SLC11A2: variants seen among roughly 807,000 people sequenced by gnomAD.
The protein encoded by SLC11A2 is natural resistance-associated macrophage protein 2.
Under a neutral mutation model 68.0 loss-of-function variants are expected in SLC11A2, and 38 were observed. The ratio of observed to expected loss-of-function variants is 0.56; its 90% confidence interval spans 0.43 to 0.73. SLC11A2 has a LOEUF of 0.73. SLC11A2 is among the 30% of genes least tolerant of loss of function. SLC11A2 has a pLI of 0.00. For missense variants in SLC11A2, 517 were observed against 690.5 expected, an observed-to-expected ratio of 0.75 and a Z score of 2.82; for synonymous variants, 242 against 250.6, an observed-to-expected ratio of 0.97 and a Z score of 0.32.
At chr12:51,028,330 C>A (rs1333463469), upstream of SLC11A2, 3 of 736,090 alleles carry the variant, frequency 4.1e-6, no homozygotes, top group East Asian at 5.6e-5. Flanking sequence ...GTGCTCTAAG[C>A]AACACAGCTT....
rs1260379155 is a variant in SLC11A2, at chr12:50,992,869, G to A, written c.1138C>T (p.Leu380=). The A allele has an allele frequency of 1.2e-6, 2 of 1,613,902 alleles. No homozygotes were observed. Among genetic ancestry groups the A allele is most frequent in the African/African-American group, 2.7e-5 (2 of 74,880 alleles). Residue 380 remains leucine, a synonymous_variant, in exon 12 of 16, where the codon CTG becomes TTG. Coordinates refer to ENST00000262052, the MANE Select transcript of SLC11A2 (RefSeq NM_000617.3). ...AALYIWAVGI[L]AAGQSSTMTG... is the part of the protein sequence containing the mutation. ...ATGGTGGAGCTCTGTCCTGCAGCCA[G>A]GATCCCCACTGCCCAAATGTAGAGT...
intron 4 of SLC11A2, 143 bp downstream of exon 4, chr12:51,005,168 G>C: frequency 2.1e-6 from 2 of 963,140 alleles, no homozygotes; most frequent in Non-Finnish European, 3.3e-6. Flanking sequence ...AGACCAAATG[G>C]AAAGTACTTT....
intron 8 of SLC11A2, among the ~76,000 whole-genome samples, chr12:50,998,645 T>C (rs1941942931): frequency 6.6e-6 from 1 of 152,202 alleles, no homozygotes; most frequent in Non-Finnish European, 1.5e-5. Context: ...AATCAGTTTA[T>C]AAGAATTGTA....
At chr12:50,991,807 C>A in intron 13 of SLC11A2, 135 bp from the exon 14 acceptor site, 1 of 743,202 alleles carries the variant, frequency 1.3e-6, no homozygotes, top group Non-Finnish European at 2.4e-6. Flanking sequence ...ATCATCCCAA[C>A]ATGCTTGGGC....
chr12:50,996,547 G>A (rs2136220136), intron 9 of SLC11A2, among the ~76,000 whole-genome samples: 1 of 149,964 alleles, frequency 6.7e-6, no homozygotes, highest in East Asian at 2.0e-4. Flanking sequence ...CTGCACTCCA[G>A]CCTGGGCAAT....
chr12:50,968,650 T>C, the SLC11A2 span, among the ~76,000 whole-genome samples: 2 of 152,088 alleles, frequency 1.3e-5, no homozygotes, highest in African/African-American at 2.4e-5. Context: ...CAAGTGATTC[T>C]CCTCACTTTG....
the SLC11A2 span, among the ~76,000 whole-genome samples, chr12:50,962,232 TACAC>T: frequency 4.8e-5 from 7 of 146,244 alleles, no homozygotes; most frequent in South Asian, 2.2e-4. Context: ...CTAAAAAAAT[TACAC>T]ACACACACAC....
rs368662740 is a variant in SLC11A2 at position 50,995,637 on chromosome 12, C to A, written c.982G>T (p.Glu328Ter). 1 of 1,614,088 alleles carries A rather than the reference C, an allele frequency of 6.2e-7. No homozygotes were observed. Among genetic ancestry groups the A allele is most frequent in the Non-Finnish European group, 8.5e-7 (1 of 1,179,990 alleles). ...AACCCTGGCTTACTCACCACCTGCT[C>A]GTTGGTTTTCCCAAAAAATGCTTCA... Reference protein sequence around the residue: ...FAEAFFGKTNEQVVEVCTNTS... With the variant: ...FAEAFFGKTN Residue 328 changes from glutamate to a stop codon, truncating the protein, a stop_gained, in exon 10 of 16, where the codon GAG (glutamate) becomes TAG (stop). Transcript: ENST00000262052. LOFTEE classifies it high-confidence loss of function.
the SLC11A2 span, among the ~76,000 whole-genome samples, chr12:50,966,377 A>G: frequency 4.6e-5 from 7 of 152,190 alleles, no homozygotes; most frequent in Non-Finnish European, 1.0e-4. Context: ...CCTCTGTGGC[A>G]GTTTCTGAAC....
chr12:50,968,119 GGAGGAGGAGAAT>G, the SLC11A2 span, among the ~76,000 whole-genome samples: 3 of 152,044 alleles, frequency 2.0e-5, no homozygotes, highest in East Asian at 5.8e-4. Context: ...AGGAGGAGGA[GGAGGAGGAGAAT>G]GAGGAGGAGG....
chr12:50,992,117 A>T, intron 13 of SLC11A2, 73 bp downstream of exon 13: 1 of 1,466,590 alleles, frequency 6.8e-7, no homozygotes, highest in East Asian at 2.3e-5. Context: ...GCACTCAGCT[A>T]GGCTTGGTAC....
chr12:50,971,446 T>C, the SLC11A2 span, among the ~76,000 whole-genome samples: 16 of 152,240 alleles, frequency 1.1e-4, no homozygotes, highest in African/African-American at 1.9e-4. Flanking sequence ...GTTCTAGGAA[T>C]ACAAAGGTAA....
chr12:50,968,648 T>C, the SLC11A2 span, among the ~76,000 whole-genome samples: 1 of 152,060 alleles, frequency 6.6e-6, no homozygotes, highest in East Asian at 1.9e-4. Flanking sequence ...TTCAAGTGAT[T>C]CTCCTCACTT....
chr12:50,963,542 T>C, the SLC11A2 span, among the ~76,000 whole-genome samples: 22,167 of 151,822 alleles, frequency 0.15, 1,858 homozygotes, highest in South Asian at 0.27. Flanking sequence ...ATATAGAAAA[T>C]GCCAATGCCT....
At chr12:50,991,475 G>T in intron 14 of SLC11A2, 124 bp downstream of exon 14, 2 of 759,246 alleles carry the variant, frequency 2.6e-6, no homozygotes, top group Non-Finnish European at 2.3e-6. Flanking sequence ...AGAGGAAGCA[G>T]CTAGCAATCA....
At chr12:51,006,240 G>GGT (rs1942718243) in intron 3 of SLC11A2, 1 of 158,000 alleles carries the variant, frequency 6.3e-6, no homozygotes, top group Non-Finnish European at 1.4e-5. Flanking sequence ...AGGAGGTTGC[G>GGT]GTGAGCCAGG....
At position 50,987,193 on chromosome 12, in the gene SLC11A2, A is replaced by G. The variant is rs1443597062; in HGVS notation, c.*1132T>C. The G allele has an allele frequency of 5.4e-6, 7 of 1,286,620 alleles. No homozygotes were observed. The highest frequency in any genetic ancestry group is 7.1e-6 in the Non-Finnish European group (7 of 988,352). The allele number at this position is 1,286,620 out of a possible 1,614,324, so 79.7% of individuals were successfully genotyped here. ...TTTCCCTCTGAGGAAACAGCTGTAGAGAGGTAGCCCAGTTCAACTTTGCTG... is the reference window on the plus strand; with the variant it reads ...TTTCCCTCTGAGGAAACAGCTGTAGGGAGGTAGCCCAGTTCAACTTTGCTG... On this transcript the variant is annotated 3_prime_UTR_variant, in exon 16 of 16. Coordinates refer to ENST00000262052, the MANE Select transcript of SLC11A2 (RefSeq NM_000617.3).
the SLC11A2 span, among the ~76,000 whole-genome samples, chr12:50,971,172 G>A: frequency 9.3e-3 from 1,392 of 149,914 alleles, 13 homozygotes; most frequent in Non-Finnish European, 0.014. Context: ...GAGCCACGGC[G>A]CCGAGCCACA....
chr12:50,981,666 A>AC (rs1173284427), downstream of SLC11A2: 6 of 1,103,262 alleles, frequency 5.4e-6, no homozygotes, highest in African/African-American at 9.3e-5. Context: ...CGTTAACGGG[A>AC]CACCTGGCAC....
Sources: allele counts gnomAD v4.1 joint callset (sites outside exome capture counted in the v4.1 genomes callset), GRCh38; gene constraint gnomAD v4.1.1; transcripts MANE v1.5; gene names NCBI Gene and HGNC (gene_info 2026-07-23, HGNC 2026-07-21).